The following LRMDA variants were observed in gnomAD, a reference collection of about 807,000 sequenced individuals.
LRMDA encodes leucine-rich melanocyte differentiation-associated protein.
Under a neutral mutation model 29.8 loss-of-function variants are expected in LRMDA, and 18 were observed. The observed-to-expected ratio is 0.60, with a 90% CI of 0.42 to 0.90. The LOEUF is 0.90. Among genes scored for constraint, LRMDA ranks in the 40% least tolerant of loss-of-function variants. The probability of loss-of-function intolerance (pLI) is 0.00; values close to 1 mark genes in which losing one functional copy is unlikely to be tolerated. For missense variants in LRMDA, 273 were observed against 273.9 expected (o/e 1.00, Z 0.02); for synonymous variants, 125 against 109.4 (o/e 1.14, Z -0.89).
chr10:76,160,517 T>G (rs191917352), intron 5 of LRMDA, among the ~76,000 whole-genome samples: 50 of 152,176 alleles, frequency 3.3e-4, no homozygotes, highest in Admixed American at 2.9e-3. Flanking sequence ...CAAAAAAAAT[T>G]TGCTTGGGAG....
At chr10:75,555,920 C>CA (rs1329444876) in intron 2 of LRMDA, among the ~76,000 whole-genome samples, 1 of 151,970 alleles carries the variant, frequency 6.6e-6, no homozygotes, top group African/African-American at 2.4e-5. Context: ...TAATATCAAA[C>CA]AAAAAAATTC....
chr10:76,128,288 C>A (rs1012636816), intron 5 of LRMDA, among the ~76,000 whole-genome samples: 1 of 152,134 alleles, frequency 6.6e-6, no homozygotes, highest in African/African-American at 2.4e-5. Flanking sequence ...CTCCCAAGTC[C>A]GCCGCAGTGT....
intron 5 of LRMDA, among the ~76,000 whole-genome samples, chr10:76,219,571 CT>C (rs1851791724): frequency 2.0e-5 from 3 of 152,162 alleles, no homozygotes; most frequent in Admixed American, 1.3e-4. Flanking sequence ...GCTAACTATC[CT>C]AAATATATAT....
intron 3 of LRMDA, among the ~76,000 whole-genome samples, chr10:76,036,989 G>T (rs565727405): frequency 2.0e-5 from 3 of 152,316 alleles, no homozygotes; most frequent in African/African-American, 7.2e-5. Flanking sequence ...ATATTTGAGG[G>T]ATGAATGCAT....
At chr10:75,783,131 T>C in intron 2 of LRMDA, 12 of 1,292,214 alleles carry the variant, frequency 9.3e-6, no homozygotes, top group Non-Finnish European at 1.1e-5. Flanking sequence ...ATGAGCGAGA[T>C]GATTGATCTG....
chr10:76,160,357 G>T (rs1850623216), intron 5 of LRMDA, among the ~76,000 whole-genome samples: 1 of 151,948 alleles, frequency 6.6e-6, no homozygotes. Context: ...AGACTGAAAT[G>T]ATCAGGGAAA....
intron 6 of LRMDA, among the ~76,000 whole-genome samples, chr10:76,457,429 C>A (rs1281870059): frequency 2.0e-5 from 3 of 152,166 alleles, no homozygotes; most frequent in Non-Finnish European, 4.4e-5. Flanking sequence ...CAAGGTGACA[C>A]TGCTTTTTCG....
rs1842904679 is a variant in LRMDA, at chr10:76,500,988, T to C, written c.602-56221T>C. On this transcript the variant is annotated intron_variant, in intron 6 of 6. Coordinates refer to ENST00000611255, the MANE Select transcript of LRMDA (RefSeq NM_001305581.2). ...GATCCCATCATGTAGGTAGTGAGCA[T>C]AGTACCTAAGAGGTAGTTTTTCAGC... Among the ~76,000 whole-genome samples the C allele has an allele frequency of 2.7e-5, 2 of 74,164 alleles. 1 individual carries two copies. The highest frequency in any genetic ancestry group is 2.5e-4 in the Admixed American group (2 of 7,980). 48.7% of individuals were successfully genotyped at this position (74,164 alleles called of 152,430 possible).
In LRMDA at chr10:75,796,723, C is replaced by A. The variant is rs1473119410; in HGVS notation, c.132-239285C>A. Among the ~76,000 whole-genome samples, 4 of 152,298 alleles carry A rather than the reference C, an allele frequency of 2.6e-5. No individual in the cohort carries two copies. The East Asian group carries it at 7.7e-4, about 29-fold the overall frequency. Reference sequence around the variant, plus strand: ...AGTTAGCTGAGATTACAAGTGCCTGCCACCACGCCTGGCTAATTATAGTAT... The same window carrying A: ...AGTTAGCTGAGATTACAAGTGCCTGACACCACGCCTGGCTAATTATAGTAT... On this transcript the variant is annotated intron_variant, in intron 2 of 6. Coordinates refer to ENST00000611255, the MANE Select transcript of LRMDA (RefSeq NM_001305581.2).
intron 5 of LRMDA, among the ~76,000 whole-genome samples, chr10:76,199,557 CATT>C (rs1303111599): frequency 6.6e-6 from 1 of 152,112 alleles, no homozygotes; most frequent in East Asian, 1.9e-4. Flanking sequence ...ACGTGGAGAC[CATT>C]ATTAGTATTA....
intron 2 of LRMDA, among the ~76,000 whole-genome samples, chr10:75,530,068 C>T (rs1238737348): frequency 6.6e-6 from 1 of 151,652 alleles, no homozygotes; most frequent in Non-Finnish European, 1.5e-5. Context: ...TTAAAACATA[C>T]ATATATTTTA....
At chr10:76,358,403 AT>A (rs1358127293) in intron 6 of LRMDA, among the ~76,000 whole-genome samples, 3 of 152,222 alleles carry the variant, frequency 2.0e-5, no homozygotes, top group Non-Finnish European at 4.4e-5. Context: ...CTGGTGTCAA[AT>A]TATGCACAGC....
At chr10:75,946,097 A>G (rs545578918) in intron 2 of LRMDA, among the ~76,000 whole-genome samples, 14 of 152,342 alleles carry the variant, frequency 9.2e-5, no homozygotes, top group African/African-American at 3.1e-4. Context: ...GTGGGAAAGC[A>G]GTAAGACCAG....
In LRMDA at chr10:76,331,265, C is replaced by A. The variant is rs375364692; in HGVS notation, c.601+6780C>A. On this transcript the variant is annotated intron_variant, in intron 6 of 6. Transcript: ENST00000611255. Reference sequence around the variant, plus strand: ...CAGCCTGGGCGACCAAGTGAGAGTCCGTCTCAAACAAAACAAGCAAACTAA... The same window carrying A: ...CAGCCTGGGCGACCAAGTGAGAGTCAGTCTCAAACAAAACAAGCAAACTAA... Among the ~76,000 whole-genome samples the A allele has an allele frequency of 2.0e-5, 3 of 152,054 alleles. No individual in the cohort carries two copies. In the South Asian group the frequency reaches 6.2e-4, roughly 32 times the overall value.
intron 2 of LRMDA, among the ~76,000 whole-genome samples, chr10:75,908,736 A>C (rs1845797709): frequency 6.6e-6 from 1 of 151,558 alleles, no homozygotes; most frequent in Non-Finnish European, 1.5e-5. Flanking sequence ...TCCACGTGGG[A>C]TCATGCGATT....
chr10:76,189,219 T>C (rs904122818), intron 5 of LRMDA, among the ~76,000 whole-genome samples: 1 of 152,072 alleles, frequency 6.6e-6, no homozygotes, highest in African/African-American at 2.4e-5. Flanking sequence ...TAGCTGGGCA[T>C]GGTGGTGTGT....
intron 6 of LRMDA, among the ~76,000 whole-genome samples, chr10:76,524,713 T>G (rs80109682): frequency 0.019 from 2,968 of 152,326 alleles, 45 homozygotes; most frequent in Non-Finnish European, 0.027. Flanking sequence ...TTCAAGTCAA[T>G]ATTTTGTACC....
chr10:76,410,226 C>A (rs1211422900), intron 6 of LRMDA, among the ~76,000 whole-genome samples: 1 of 146,616 alleles, frequency 6.8e-6, no homozygotes, highest in Non-Finnish European at 1.5e-5. Context: ...GGGGTAAGAT[C>A]ATGAAGAACT....
intron 6 of LRMDA, among the ~76,000 whole-genome samples, chr10:76,371,831 T>C (rs989251270): frequency 6.6e-6 from 1 of 152,176 alleles, no homozygotes; most frequent in African/African-American, 2.4e-5. Flanking sequence ...GACTGGCCTT[T>C]CTTCTCTGAA....
Sources: gnomAD v4.1 joint callset for allele counts (sites outside exome capture counted in the v4.1 genomes callset) on GRCh38, gnomAD v4.1.1 for gene constraint, MANE v1.5 for transcripts, NCBI Gene and HGNC (gene_info 2026-07-23, HGNC 2026-07-21) for gene names.